MMP7: variants seen among roughly 807,000 people sequenced by gnomAD.
MMP7 encodes matrix metallopeptidase 7.
In MMP7, 26 loss-of-function variants were observed where a neutral mutation model predicts 31.5. The observed-to-expected ratio is 0.83, with a 90% CI of 0.61 to 1.15. MMP7 has a LOEUF of 1.15. MMP7 is among the 50% of genes most tolerant of loss of function. The pLI, the probability that MMP7 is intolerant of heterozygous loss-of-function variation, is 0.00. For synonymous variants in MMP7, 142 were observed against 124.2 expected (o/e 1.14, Z -0.95); for missense variants, 367 against 326.5 (o/e 1.12, Z -0.96).
Position 102,527,810 on chromosome 11 carries a change from T to C in MMP7, c.282A>G (p.Glu94=), listed in dbSNP as rs868187782. The C allele has an allele frequency of 3.1e-6, 5 of 1,614,212 alleles. No homozygotes were observed. Among genetic ancestry groups the C allele is most frequent in the Middle Eastern group, 3.3e-4 (2 of 6,062 alleles). The change falls in exon 2 of 6, where the codon GAA becomes GAG. Residue 94 remains glutamate, a synonymous_variant. Coordinates refer to ENST00000260227, the MANE Select transcript of MMP7 (RefSeq NM_002423.5). ...KPRCGVPDVA[E]YSLFPNSPKW... ...TTGGGCTATTTGGAAATAGTGAGTA[T>C]TCTGCAACATCTGGCACTCCACATC...
Position 102,527,861 on chromosome 11 carries a change from G to A in MMP7, c.231C>T (p.Arg77=), listed in dbSNP as rs17879417. The change falls in exon 2 of 6, where the codon CGC becomes CGT. Residue 77 remains arginine, a synonymous_variant. Coordinates refer to ENST00000260227, the MANE Select transcript of MMP7 (RefSeq NM_002423.5). ...TGGGCTTCTGCATTATTTCTATGACGCGGGAGTTTAACATTCCAGTTATAG... is the reference window on the plus strand; with the variant it reads ...TGGGCTTCTGCATTATTTCTATGACACGGGAGTTTAACATTCCAGTTATAG... The part of the protein sequence containing the change: ...GLPITGMLNS[R]VIEIMQKPRC... The A allele has an allele frequency of 1.7e-3, 2,814 of 1,614,082 alleles. 42 individuals are homozygous for A. In the African/African-American group the frequency reaches 0.033, roughly 19 times the overall value.
At chr11:102,523,496 G>A in intron 4 of MMP7, 95 bp from the exon 5 acceptor site, 1 of 1,064,920 alleles carries the variant, frequency 9.4e-7, no homozygotes, top group Non-Finnish European at 1.2e-6. Flanking sequence ...AAAAACTAAA[G>A]AAAAATACCC....
intron 5 of MMP7, among the ~76,000 whole-genome samples, chr11:102,522,226 G>A (rs568739110): frequency 2.6e-5 from 4 of 152,332 alleles, no homozygotes; most frequent in East Asian, 1.9e-4. Flanking sequence ...AGGTTGAACT[G>A]ATATCTTAAA....
intron 3 of MMP7, 134 bp from the exon 4 acceptor site, chr11:102,525,198 G>T: frequency 9.2e-7 from 1 of 1,092,004 alleles, no homozygotes; most frequent in Non-Finnish European, 1.3e-6. Context: ...CTCACTTTGC[G>T]AGGCCGAGGT....
intron 3 of MMP7, among the ~76,000 whole-genome samples, chr11:102,526,073 T>C (rs1858666936): frequency 6.6e-6 from 1 of 151,748 alleles, no homozygotes; most frequent in South Asian, 2.1e-4. Flanking sequence ...ATGGGCAACA[T>C]TTTTCTCTAA....
At chr11:102,526,724 C>T (rs1038634592) in intron 3 of MMP7, among the ~76,000 whole-genome samples, 2 of 152,044 alleles carry the variant, frequency 1.3e-5, no homozygotes, top group East Asian at 3.8e-4. Context: ...TAGTCATGTG[C>T]TACATAATGA....
chr11:102,525,255 T>A (rs901674642), intron 3 of MMP7, among the ~76,000 whole-genome samples, 191 bp from the exon 4 acceptor site: 1 of 152,046 alleles, frequency 6.6e-6, no homozygotes, highest in Admixed American at 6.6e-5. Context: ...CTGGCTAACA[T>A]GGTGAAACCC....
chr11:102,523,128 T>G, intron 5 of MMP7, 112 bp downstream of exon 5: 1 of 735,288 alleles, frequency 1.4e-6, no homozygotes, highest in South Asian at 2.5e-5. Context: ...GGCTTTTTGA[T>G]ATGAGTTCCA....
At chr11:102,522,168 A>G (rs1386718148) in intron 5 of MMP7, among the ~76,000 whole-genome samples, 4 of 152,230 alleles carry the variant, frequency 2.6e-5, no homozygotes, top group African/African-American at 7.2e-5. Flanking sequence ...CTGTAGGACT[A>G]GTGTTCTGAG....
At chr11:102,530,429 T>C (rs932914188) in intron 1 of MMP7, among the ~76,000 whole-genome samples, 164 bp downstream of exon 1, 6 of 152,242 alleles carry the variant, frequency 3.9e-5, no homozygotes, top group Admixed American at 3.3e-4. Flanking sequence ...AACCTGCTTT[T>C]AATGGCTACT....
intron 3 of MMP7, among the ~76,000 whole-genome samples, chr11:102,525,277 A>C (rs191115849): frequency 3.0e-4 from 45 of 152,148 alleles, no homozygotes; most frequent in Middle Eastern, 3.4e-3. Context: ...GTCTCTACTA[A>C]AAATACAAAA....
At position 102,527,958 on chromosome 11, in the gene MMP7, T is replaced by G. The variant is rs1426185853; in HGVS notation, c.134A>C (p.Tyr45Ser). 3 of 1,613,644 alleles carry G rather than the reference T, an allele frequency of 1.9e-6. No homozygotes were observed. Among genetic ancestry groups the G allele is most frequent in the Admixed American group, 1.7e-5 (1 of 60,006 alleles). ...AQDYLKRFYL[Y>S]DSETKNANSL... ...GTTGGCATTTTTTGTTTCTGAGTCA[T>G]AGAGATAAAATCTCTTGAGATAGTC... Residue 45 changes from tyrosine to serine, a missense_variant, in exon 2 of 6, where the codon TAT (tyrosine) becomes TCT (serine). Coordinates refer to ENST00000260227, the MANE Select transcript of MMP7 (RefSeq NM_002423.5).
At chr11:102,528,102 T>C (rs1282862764) in intron 1 of MMP7, 119 bp from the exon 2 acceptor site, 1 of 734,516 alleles carries the variant, frequency 1.4e-6, no homozygotes, top group Non-Finnish European at 2.2e-6. Flanking sequence ...GAAGACAGAA[T>C]AATTACATAG....
At chr11:102,530,352 C>A (rs2408390) in intron 1 of MMP7, among the ~76,000 whole-genome samples, 24,897 of 152,158 alleles carry the variant, frequency 0.16, 2,518 homozygotes, top group East Asian at 0.23. Context: ...AGTTTGATGA[C>A]CTTCCTGAGT....
intron 3 of MMP7, chr11:102,527,080 C>A (rs1858680222): frequency 5.6e-6 from 1 of 179,668 alleles, no homozygotes; most frequent in Admixed American, 5.5e-5. Context: ...GAGTGTATTC[C>A]CATTGTTAAG....
chr11:102,526,987 T>C (rs1858679299), intron 3 of MMP7: 1 of 163,708 alleles, frequency 6.1e-6, no homozygotes, highest in Non-Finnish European at 1.3e-5. Context: ...CCTAGGTGGA[T>C]AGTGGGCTGT....
In MMP7 at chr11:102,525,454, TA is replaced by T. The variant is rs370239404; in HGVS notation, c.485-391del. Among the ~76,000 whole-genome samples the T allele has an allele frequency of 3.6e-3, 501 of 137,864 alleles. 1 individual carries two copies. The highest frequency in any genetic ancestry group is 5.7e-3 in the East Asian group (27 of 4,718). The allele number at this position is 137,864 out of a possible 152,430, so 90.4% of individuals were successfully genotyped here. A position where few individuals can be genotyped will look rare whatever the true frequency, so the allele number is the denominator to read the frequency against. On this transcript the variant is annotated intron_variant, in intron 3 of 5. Transcript: ENST00000260227. ...TGAAACTCCATCTCAAAAAATAAAT[TA>T]AAAAAAAAAAAAAGGCAGCCCAGTG...
intron 4 of MMP7, 95 bp from the exon 5 acceptor site, chr11:102,523,496 GA>G: frequency 9.4e-7 from 1 of 1,064,920 alleles, no homozygotes; most frequent in Non-Finnish European, 1.2e-6. Context: ...AAAAACTAAA[GA>G]AAAATACCCA....
rs1264283361 is a variant in MMP7 at position 102,520,807 on chromosome 11, A to G, written c.776-3T>C. ...CTTTCTTGAATTACTTCTCTTTCCT[A>G]TTGAGAGAAAAAAAAAGAACATTCT... is the stretch of plus-strand genomic sequence containing the variant. On this transcript the variant is annotated splice_polypyrimidine_tract_variant and splice_region_variant and intron_variant, in intron 5 of 5. Transcript: ENST00000260227. 2 of 1,552,086 alleles carry G rather than the reference A, an allele frequency of 1.3e-6. No individual in the cohort carries two copies. The highest frequency in any genetic ancestry group is 1.8e-6 in the Non-Finnish European group (2 of 1,138,752).
Sources: allele counts gnomAD v4.1 joint callset (sites outside exome capture counted in the v4.1 genomes callset), GRCh38; gene constraint gnomAD v4.1.1; transcripts MANE v1.5; gene names NCBI Gene and HGNC (gene_info 2026-07-23, HGNC 2026-07-21).